Variants in UMODL1 observed in about 807,000 individuals in gnomAD.
UMODL1 encodes the protein uromodulin like 1.
UMODL1 carries 128 observed loss-of-function variants against 136.3 expected under a neutral mutation model. That is an observed-to-expected ratio of 0.94 (90% CI 0.81 to 1.09). UMODL1 has a LOEUF of 1.09. Among genes scored for constraint, UMODL1 ranks in the 50% least tolerant of loss-of-function variants. UMODL1 has a pLI of 0.00. For synonymous variants in UMODL1, 721 were observed against 720.0 expected, an observed-to-expected ratio of 1.00 and a Z score of -0.02; for missense variants, 1,766 against 1,725.6, an observed-to-expected ratio of 1.02 and a Z score of -0.41.
rs1180900655 is a variant in UMODL1, at chr21:42,109,555, C to T, written c.1520-7C>T. The T allele has an allele frequency of 3.7e-6, 6 of 1,610,514 alleles. No homozygotes were observed. The highest frequency in any genetic ancestry group is 3.3e-5 in the Admixed American group (2 of 60,036). On this transcript the variant is annotated splice_region_variant and splice_polypyrimidine_tract_variant and intron_variant, in intron 9 of 22. Coordinates refer to ENST00000408910, the MANE Select transcript of UMODL1 (RefSeq NM_001004416.3). ...TCATGGGTTTTGATTGTGTCTCCCCCTGGCAGACTGGGACGAGTGTGTGGA... is the reference window on the plus strand; with the variant it reads ...TCATGGGTTTTGATTGTGTCTCCCCTTGGCAGACTGGGACGAGTGTGTGGA...
At position 42,137,486 on chromosome 21, in the gene UMODL1, C is replaced by T. The variant is rs373529994; in HGVS notation, c.3823C>T (p.Leu1275Phe). Residue 1275 changes from leucine to phenylalanine, a missense_variant, in exon 22 of 23, where the codon CTT becomes TTT. Physicochemically the swap from Leu to Phe is conservative, Grantham distance 22. Transcript: ENST00000408910. ...AGGCCTGGGTGCCGGTTATGTGGTC[C>T]TTATTGTGGTGGCCATCTTCGTGCT... is the stretch of plus-strand genomic sequence containing the variant. ...EAGLGAGYVV[L>F]IVVAIFVLVA... is the part of the protein sequence containing the mutation. 6.2e-7 allele frequency: 1 copy of T among 1,614,128 alleles called. No homozygotes were observed. Among genetic ancestry groups the T allele is most frequent in the African/African-American group, 1.3e-5 (1 of 74,946 alleles).
At chr21:42,098,819 A>C in intron 6 of UMODL1, 107 bp from the exon 7 acceptor site, 1 of 1,503,602 alleles carries the variant, frequency 6.7e-7, no homozygotes, top group South Asian at 1.3e-5. Flanking sequence ...CAACTTGATC[A>C]ATAAATCAGT....
At position 42,142,511 on chromosome 21, in the gene UMODL1, T is replaced by C. The variant is rs1045703022; in HGVS notation, c.*437T>C. ...GGCGTCCGTCACCCTTTGGCAAATA[T>C]AGAATATTTCACATTCTCAGAGAGA... is the stretch of plus-strand genomic sequence containing the variant. On this transcript the variant is annotated 3_prime_UTR_variant, in exon 23 of 23. Coordinates refer to ENST00000408910, the MANE Select transcript of UMODL1 (RefSeq NM_001004416.3). 6.6e-6 allele frequency: 1 copy of C among 152,264 alleles called. No homozygotes were observed. Among genetic ancestry groups the C allele is most frequent in the Admixed American group, 6.5e-5 (1 of 15,290 alleles). 9.4% of individuals were successfully genotyped at this position (152,264 alleles called of 1,614,324 possible). A position where few individuals can be genotyped will look rare whatever the true frequency, so the allele number is the denominator to read the frequency against.
chr21:42,133,278 C>T (rs924710075), intron 21 of UMODL1, among the ~76,000 whole-genome samples: 13 of 152,222 alleles, frequency 8.5e-5, no homozygotes, highest in East Asian at 7.7e-4. Flanking sequence ...TGAGATCCCA[C>T]GCTCTGTCCC....
upstream of UMODL1, among the ~76,000 whole-genome samples, chr21:42,070,212 C>T (rs113320317): frequency 2.2e-3 from 335 of 152,290 alleles, no homozygotes; most frequent in African/African-American, 7.9e-3. Flanking sequence ...GAATTATGCT[C>T]CCGAACCATG....
At chr21:42,087,094 A>G (rs2066434776) in intron 4 of UMODL1, among the ~76,000 whole-genome samples, 1 of 152,082 alleles carries the variant, frequency 6.6e-6, no homozygotes, top group South Asian at 2.1e-4. Context: ...GGGGCCTGAG[A>G]TGTTGTGGTT....
At chr21:42,083,090 G>A (rs1034263728) in intron 2 of UMODL1, among the ~76,000 whole-genome samples, 14 of 152,270 alleles carry the variant, frequency 9.2e-5, no homozygotes, top group Admixed American at 3.3e-4. Flanking sequence ...GAGCTGCATC[G>A]GAGCTGCACT....
Position 42,099,272 on chromosome 21 carries a change from T to G in UMODL1, c.1186+92T>G. ...CTAGCATGTCGCGTTCTTCTTCCTATAACCAGGGCACCAGAAGTCACTGAC... is the reference window on the plus strand; with the variant it reads ...CTAGCATGTCGCGTTCTTCTTCCTAGAACCAGGGCACCAGAAGTCACTGAC... On this transcript the variant is annotated intron_variant, in intron 7 of 22. Coordinates refer to ENST00000408910, the MANE Select transcript of UMODL1 (RefSeq NM_001004416.3). This position sits in a 1 kb window ranked among gnomAD's most constrained non-coding sequence, Gnocchi z 4.1. 1 of 1,508,176 alleles carries G rather than the reference T, an allele frequency of 6.6e-7. No individual in the cohort carries two copies. Among genetic ancestry groups the G allele is most frequent in the Non-Finnish European group, 8.9e-7 (1 of 1,128,702 alleles). 93.4% of individuals were successfully genotyped at this position (1,508,176 alleles called of 1,614,324 possible). A position where few individuals can be genotyped will look rare whatever the true frequency, so the allele number is the denominator to read the frequency against.
chr21:42,101,404 CTGTGGCCTTAAG>C (rs1751573910), intron 7 of UMODL1, among the ~76,000 whole-genome samples: 1 of 152,220 alleles, frequency 6.6e-6, no homozygotes, highest in Admixed American at 6.5e-5. Context: ...GGTGGCATTT[CTGTGGCCTTAAG>C]TGTGGCGTGC....
Position 42,076,140 on chromosome 21 carries a change from C to T in UMODL1, c.212C>T (p.Pro71Leu). ...GGCTGGATCCCCTGGAGGCGGTGCC[C>T]TAAGATGGTTTACCGGACACAGTAC... is the stretch of plus-strand genomic sequence containing the variant. ...CGGWIPWRRC[P>L]KMVYRTQYLV... The change falls in exon 2 of 23, where the codon CCT (proline) becomes CTT (leucine). Residue 71 changes from proline (P) to leucine (L), a missense_variant. Transcript: ENST00000408910. The T allele has an allele frequency of 6.2e-7, 1 of 1,614,242 alleles. No individual in the cohort carries two copies. The highest frequency in any genetic ancestry group is 2.2e-5 in the East Asian group (1 of 44,884).
At chr21:42,137,303 G>A (rs2067217172) in intron 21 of UMODL1, 136 bp from the exon 22 acceptor site, 24 of 1,113,110 alleles carry the variant, frequency 2.2e-5, no homozygotes, top group Non-Finnish European at 2.9e-5. Flanking sequence ...GTAACCCACA[G>A]GCACACGGGT....
In UMODL1 at chr21:42,076,075, G is replaced by A; in HGVS notation, c.147G>A (p.Glu49=). ...HRVTHTVQKV[E]AVQTSYTSYV... Reference sequence around the variant, plus strand: ...TGACCCACACTGTACAGAAGGTGGAGGCCGTGCAGACGTCCTACACGTCCT... The same window carrying A: ...TGACCCACACTGTACAGAAGGTGGAAGCCGTGCAGACGTCCTACACGTCCT... The change falls in exon 2 of 23, where the codon GAG becomes GAA. Residue 49 remains glutamate (E), a synonymous_variant. Transcript: ENST00000408910. 1 of 1,614,270 alleles carries A rather than the reference G, an allele frequency of 6.2e-7. No individual in the cohort carries two copies. The highest frequency in any genetic ancestry group is 8.5e-7 in the Non-Finnish European group (1 of 1,180,054).
Position 42,085,191 on chromosome 21 carries a change from T to G in UMODL1, c.482-100T>G. 6.8e-7 allele frequency: 1 copy of G among 1,469,970 alleles called. No individual in the cohort carries two copies. Among genetic ancestry groups the G allele is most frequent in the Non-Finnish European group, 9.2e-7 (1 of 1,085,412 alleles). The allele number at this position is 1,469,970 out of a possible 1,614,324, so 91.1% of individuals were successfully genotyped here. A position where few individuals can be genotyped will look rare whatever the true frequency, so the allele number is the denominator to read the frequency against. On this transcript the variant is annotated intron_variant, in intron 3 of 22. Transcript: ENST00000408910. This position sits in a 1 kb window ranked among gnomAD's most constrained non-coding sequence, Gnocchi z 4.5. ...GGTAAATGCAGAGCAGGGCCTCTCA[T>G]GGCCTCTGGTTCCCTCTCCTGCCCC...
chr21:42,077,628 G>A (rs971928433), intron 2 of UMODL1, among the ~76,000 whole-genome samples: 5 of 152,216 alleles, frequency 3.3e-5, no homozygotes, highest in Non-Finnish European at 7.3e-5. Flanking sequence ...GATATAGCTC[G>A]CCACAGTATC....
rs772725985 is a variant in UMODL1 at position 42,109,674 on chromosome 21, C to G, written c.1632C>G (p.Pro544=). 2.5e-6 allele frequency: 4 copies of G among 1,605,948 alleles called. No individual in the cohort carries two copies. Among genetic ancestry groups the G allele is most frequent in the South Asian group, 1.1e-5 (1 of 91,078 alleles). Residue 544 remains proline (P), a synonymous_variant, in exon 10 of 23, where the codon CCC becomes CCG. Coordinates refer to ENST00000408910, the MANE Select transcript of UMODL1 (RefSeq NM_001004416.3). ...GCCGTACCACCAGGGACGCCACCCC[C>G]TCCCGCGCAGGCCGGGCCTGTGAGG... The part of the protein sequence containing the change: ...CQCRTTRDAT[P]SRAGRACEGD...
chr21:42,132,871 G>C, intron 21 of UMODL1, among the ~76,000 whole-genome samples: 1 of 152,240 alleles, frequency 6.6e-6, no homozygotes, highest in African/African-American at 2.4e-5. Flanking sequence ...TCTTTGAAAA[G>C]GGAATAATAA....
In UMODL1 at chr21:42,127,750, T is replaced by C. The variant is rs762647006; in HGVS notation, c.3609T>C (p.Phe1203=). The change falls in exon 20 of 23, where the codon TTT becomes TTC. Residue 1203 remains phenylalanine, a synonymous_variant. Transcript: ENST00000408910. ...AGGCCCAGTTCAAGCTGAGGATCTTTTCCTTTATCAACGACTCCATCGTCT... is the reference window on the plus strand; with the variant it reads ...AGGCCCAGTTCAAGCTGAGGATCTTCTCCTTTATCAACGACTCCATCGTCT... ...SNKAQFKLRI[F]SFINDSIVYL... 2 of 1,614,198 alleles carry C rather than the reference T, an allele frequency of 1.2e-6. No homozygotes were observed. Among genetic ancestry groups the C allele is most frequent in the South Asian group, 2.2e-5 (2 of 91,068 alleles).
At position 42,126,500 on chromosome 21, in the gene UMODL1, A is replaced by T; in HGVS notation, c.3293+10A>T. On this transcript the variant is annotated intron_variant, in intron 18 of 22. Coordinates refer to ENST00000408910, the MANE Select transcript of UMODL1 (RefSeq NM_001004416.3). ...TCACCCTGGAGTGGGGGTAAGGGAGAAATGCCCCGGCTGCCCCACAGCCAC... is the reference window on the plus strand; with the variant it reads ...TCACCCTGGAGTGGGGGTAAGGGAGTAATGCCCCGGCTGCCCCACAGCCAC... 1 of 1,614,140 alleles carries T rather than the reference A, an allele frequency of 6.2e-7. No individual in the cohort carries two copies. The highest frequency in any genetic ancestry group is 1.3e-5 in the African/African-American group (1 of 75,052).
intron 9 of UMODL1, among the ~76,000 whole-genome samples, chr21:42,109,068 TATACTCCGCTGGACCCC>T (rs2066775045): frequency 7.2e-6 from 1 of 138,256 alleles, no homozygotes. Context: ...AAGCTGGTGT[TATACTCCGCTGGACCCC>T]CACCCCCGGC....
Sources: allele counts gnomAD v4.1 joint callset (sites outside exome capture counted in the v4.1 genomes callset), GRCh38; gene constraint gnomAD v4.1.1; non-coding constraint Gnocchi (gnomAD v3.1); transcripts MANE v1.5; gene names NCBI Gene and HGNC (gene_info 2026-07-23, HGNC 2026-07-21).